The following MGAT5B variants were observed in gnomAD, a reference collection of about 807,000 sequenced individuals.
MGAT5B encodes the protein N-acetylglucosaminyl-transferase Vb.
MGAT5B carries 54 observed loss-of-function variants against 95.1 expected under a neutral mutation model. The ratio of observed to expected loss-of-function variants is 0.57; its 90% CI spans 0.46 to 0.71. MGAT5B has a LOEUF of 0.71. Ranked by LOEUF, MGAT5B falls within the 30% of genes least tolerant of loss-of-function variation. The pLI is 0.00. For synonymous variants in MGAT5B, 464 were observed against 451.0 expected (o/e 1.03, Z -0.36); for missense variants, 935 against 1,088.6 (o/e 0.86, Z 1.99).
At chr17:76,903,468 C>A in intron 5 of MGAT5B, 92 bp downstream of exon 5, 2 of 984,628 alleles carry the variant, frequency 2.0e-6, no homozygotes, top group Non-Finnish European at 3.0e-6. Flanking sequence ...TGGCAGAGGC[C>A]AACCTCAGGG....
chr17:76,877,956 G>A (rs895584332), intron 2 of MGAT5B, among the ~76,000 whole-genome samples: 9 of 152,112 alleles, frequency 5.9e-5, no homozygotes, highest in Non-Finnish European at 7.4e-5. Flanking sequence ...ATCTCCCAGC[G>A]TCCCAGCTTT....
At chr17:76,884,602 A>ATT (rs11338232) in intron 3 of MGAT5B, among the ~76,000 whole-genome samples, 26 of 125,490 alleles carry the variant, frequency 2.1e-4, no homozygotes, top group African/African-American at 7.5e-4. Context: ...TGCCCAGCTA[A>ATT]TTTTTTTTTT....
Position 76,949,538 on chromosome 17 carries a change from T to C in MGAT5B, c.*700T>C, listed in dbSNP as rs1311330018. On this transcript the variant is annotated 3_prime_UTR_variant, in exon 18 of 18. Coordinates refer to ENST00000569840, the MANE Select transcript of MGAT5B (RefSeq NM_001199172.2). ...TACACTTGAGGACCACAGTTGGGGG[T>C]GTAGGGACCACCCAGACCCTGGTTG... The C allele has an allele frequency of 1.3e-5, 2 of 151,988 alleles. No homozygotes were observed. Among genetic ancestry groups the C allele is most frequent in the African/African-American group, 4.8e-5 (2 of 41,282 alleles). The allele number at this position is 151,988 out of a possible 1,614,324, so 9.4% of individuals were successfully genotyped here.
At chr17:76,913,135 G>T (rs892002709) in intron 8 of MGAT5B, among the ~76,000 whole-genome samples, 1 of 152,222 alleles carries the variant, frequency 6.6e-6, no homozygotes, top group Non-Finnish European at 1.5e-5. Flanking sequence ...ACTCCTGGCT[G>T]TCAAGCATGC....
In MGAT5B at chr17:76,903,292, T is replaced by C. The variant is rs1968388552; in HGVS notation, c.446-11T>C. Reference sequence around the variant, plus strand: ...GACCAGGGACTTCAGCAAGGTGACCTCTCCCTACAGTGTCAGAAGGCCGGC... The same window carrying C: ...GACCAGGGACTTCAGCAAGGTGACCCCTCCCTACAGTGTCAGAAGGCCGGC... On this transcript the variant is annotated splice_polypyrimidine_tract_variant and intron_variant, in intron 4 of 17. Transcript: ENST00000569840. The C allele has an allele frequency of 6.2e-7, 1 of 1,605,102 alleles. No homozygotes were observed. Among genetic ancestry groups the C allele is most frequent in the Non-Finnish European group, 8.5e-7 (1 of 1,175,518 alleles).
intron 3 of MGAT5B, among the ~76,000 whole-genome samples, chr17:76,902,163 C>T (rs936704027): frequency 2.0e-5 from 3 of 152,014 alleles, no homozygotes; most frequent in South Asian, 2.1e-4. Flanking sequence ...TGTGGGCACA[C>T]GTGCAGTTGT....
intron 8 of MGAT5B, among the ~76,000 whole-genome samples, chr17:76,921,549 G>A (rs1969124489): frequency 6.6e-6 from 1 of 152,244 alleles, no homozygotes; most frequent in Non-Finnish European, 1.5e-5. Flanking sequence ...CATCAGGTGG[G>A]GCTCAGCGGG....
chr17:76,900,607 A>G (rs1441373230), intron 3 of MGAT5B, among the ~76,000 whole-genome samples: 2 of 152,182 alleles, frequency 1.3e-5, no homozygotes, highest in Non-Finnish European at 2.9e-5. Flanking sequence ...GCTGGGAGGG[A>G]GGCCTGGGGG....
In MGAT5B at chr17:76,938,377, G is replaced by A. The variant is rs757907468; in HGVS notation, c.1584+234G>A. ...TGGGCAGGGCCAGCAGAGCAGCAGA[G>A]CCGTGGCTCAGTGATGGGGAAGTAG... On this transcript the variant is annotated intron_variant, in intron 13 of 17. Transcript: ENST00000569840. The surrounding 1 kb of genome is among the most constrained non-coding windows in gnomAD (Gnocchi z 4.3). Among the ~76,000 whole-genome samples the A allele has an allele frequency of 3.3e-5, 5 of 152,274 alleles. No individual in the cohort carries two copies. Among genetic ancestry groups the A allele is most frequent in the East Asian group, 1.9e-4 (1 of 5,202 alleles).
chr17:76,894,797 G>T (rs956140312), intron 3 of MGAT5B, among the ~76,000 whole-genome samples: 4 of 150,766 alleles, frequency 2.7e-5, no homozygotes, highest in African/African-American at 9.8e-5. Flanking sequence ...AGATTACAGT[G>T]AGCTGAGATT....
chr17:76,932,795 G>A lies in MGAT5B; in HGVS notation c.1422+20G>A. 3 of 1,612,366 alleles carry A rather than the reference G, an allele frequency of 1.9e-6. No individual in the cohort carries two copies. The highest frequency in any genetic ancestry group is 2.5e-6 in the Non-Finnish European group (3 of 1,179,476). ...TGGAAGGTGAGCGCGGCCCCTGCGCGCGGGAAGCACCAGCCTGCTCGGCAC... is the reference window on the plus strand; with the variant it reads ...TGGAAGGTGAGCGCGGCCCCTGCGCACGGGAAGCACCAGCCTGCTCGGCAC... On this transcript the variant is annotated intron_variant, in intron 11 of 17. Coordinates refer to ENST00000569840, the MANE Select transcript of MGAT5B (RefSeq NM_001199172.2).
chr17:76,921,265 G>A (rs1051239419), intron 8 of MGAT5B, among the ~76,000 whole-genome samples: 4 of 152,188 alleles, frequency 2.6e-5, no homozygotes, highest in Middle Eastern at 3.2e-3. Flanking sequence ...CTGGCCTCAC[G>A]TGTGACAGGT....
Position 76,912,599 on chromosome 17 carries a change from G to A in MGAT5B, c.1025+6412G>A, listed in dbSNP as rs1346047722. 6.6e-6 allele frequency among the ~76,000 whole-genome samples: 1 copy of A among 152,054 alleles called. No individual in the cohort carries two copies. The highest frequency in any genetic ancestry group is 2.4e-5 in the African/African-American group (1 of 41,406). On this transcript the variant is annotated intron_variant, in intron 8 of 17. Coordinates refer to ENST00000569840, the MANE Select transcript of MGAT5B (RefSeq NM_001199172.2). This position sits in a 1 kb window ranked among gnomAD's most constrained non-coding sequence, Gnocchi z 5.0. The stretch of plus-strand genomic sequence containing the variant: ...CACTGATGGAGCAACAAGGCTGGAC[G>A]GATGAGCCGGTCCCGCTCTGCTCCT...
chr17:76,910,657 C>T lies in MGAT5B; in HGVS notation c.1025+4470C>T, dbSNP rs183416791. 1.1e-4 allele frequency among the ~76,000 whole-genome samples: 16 copies of T among 152,370 alleles called. No homozygotes were observed. In the East Asian group the frequency reaches 2.9e-3, roughly 28 times the overall value. ...TCTTGCACACACATGCATGTCCACA[C>T]CCCACAGAGAATCAGTGTTTTCTAC... On this transcript the variant is annotated intron_variant, in intron 8 of 17. Transcript: ENST00000569840.
At chr17:76,939,755 T>C (rs1567825075) in intron 13 of MGAT5B, among the ~76,000 whole-genome samples, 1 of 152,238 alleles carries the variant, frequency 6.6e-6, no homozygotes, top group Non-Finnish European at 1.5e-5. Context: ...CTCCCACTTA[T>C]AAGTGAGAAT....
In MGAT5B at chr17:76,914,682, C is replaced by T. The variant is rs1041574025; in HGVS notation, c.1025+8495C>T. On this transcript the variant is annotated intron_variant, in intron 8 of 17. Transcript: ENST00000569840. This position sits in a 1 kb window ranked among gnomAD's most constrained non-coding sequence, Gnocchi z 5.1. ...TGAGACAGAGTCTTGCCCTGTCCCC[C>T]AGCTGGAGCGCAGTGGCGCAGTCTC... Among the ~76,000 whole-genome samples the T allele has an allele frequency of 1.6e-4, 24 of 151,946 alleles. No individual in the cohort carries two copies. Among genetic ancestry groups the T allele is most frequent in the Non-Finnish European group, 3.2e-4 (22 of 67,998 alleles).
At chr17:76,913,572 T>C (rs1968820641) in intron 8 of MGAT5B, 1 of 393,862 alleles carries the variant, frequency 2.5e-6, no homozygotes, top group African/African-American at 2.1e-5. Context: ...CCGTTGACAG[T>C]GGTTGAACAC....
At chr17:76,886,711 G>T (rs1459574275) in intron 3 of MGAT5B, among the ~76,000 whole-genome samples, 1 of 152,154 alleles carries the variant, frequency 6.6e-6, no homozygotes, top group East Asian at 1.9e-4. Flanking sequence ...TGAGTGAGGG[G>T]CAGTGGTGGG....
chr17:76,886,219 T>C (rs1327973310), intron 3 of MGAT5B, among the ~76,000 whole-genome samples: 1 of 152,200 alleles, frequency 6.6e-6, no homozygotes, highest in Non-Finnish European at 1.5e-5. Context: ...ATTTGTTGAA[T>C]GCCTAGTGTG....
Sources: allele counts gnomAD v4.1 joint callset (sites outside exome capture counted in the v4.1 genomes callset), GRCh38; gene constraint gnomAD v4.1.1; non-coding constraint Gnocchi (gnomAD v3.1); transcripts MANE v1.5; gene names NCBI Gene and HGNC (gene_info 2026-07-23, HGNC 2026-07-21).